CATSPERE: variants seen among roughly 807,000 people sequenced by gnomAD.
The protein encoded by CATSPERE is cation channel sperm-associated auxiliary subunit epsilon.
A neutral mutation model predicts 114.1 loss-of-function variants in CATSPERE; 93 were observed. That is an observed-to-expected ratio of 0.81 (90% CI 0.69 to 0.97). The LOEUF (loss-of-function observed/expected upper bound fraction) is 0.97, where lower values mean the gene tolerates loss of function less well. Among genes scored for constraint, CATSPERE ranks in the 50% least tolerant of loss-of-function variants. CATSPERE has a pLI of 0.00. For synonymous variants in CATSPERE, 341 were observed against 384.1 expected (o/e 0.89, Z 1.31); for missense variants, 1,058 against 1,131.6 (o/e 0.93, Z 0.93).
intron 8 of CATSPERE, among the ~76,000 whole-genome samples, chr1:244,521,950 C>T (rs1677645431): frequency 6.6e-6 from 1 of 151,988 alleles, no homozygotes; most frequent in African/African-American, 2.4e-5. Context: ...AACAAGGATA[C>T]CCAGGAATTG....
At chr1:244,611,708 G>A (rs920999390) in intron 19 of CATSPERE, among the ~76,000 whole-genome samples, 1 of 152,066 alleles carries the variant, frequency 6.6e-6, no homozygotes, top group Non-Finnish European at 1.5e-5. Flanking sequence ...GACATCCAAG[G>A]GTCTGGAGTT....
chr1:244,624,563 G>A (rs1672846784), intron 20 of CATSPERE, among the ~76,000 whole-genome samples: 1 of 152,122 alleles, frequency 6.6e-6, no homozygotes, highest in Non-Finnish European at 1.5e-5. Flanking sequence ...CACTTTGGGA[G>A]TCACAGGCGG....
At chr1:244,569,912 ATAATT>A (rs1302210161) in intron 10 of CATSPERE, among the ~76,000 whole-genome samples, 1 of 152,168 alleles carries the variant, frequency 6.6e-6, no homozygotes, top group Non-Finnish European at 1.5e-5. Flanking sequence ...AACACACTAA[ATAATT>A]TATTTTCATG....
intron 8 of CATSPERE, among the ~76,000 whole-genome samples, chr1:244,542,615 T>C (rs1313670981): frequency 1.3e-5 from 2 of 152,204 alleles, no homozygotes; most frequent in Non-Finnish European, 2.9e-5. Flanking sequence ...TTATTTCACT[T>C]AAGATAATGG....
At chr1:244,468,693 T>A (rs1448527371) in intron 2 of CATSPERE, among the ~76,000 whole-genome samples, 1 of 152,128 alleles carries the variant, frequency 6.6e-6, no homozygotes, top group Non-Finnish European at 1.5e-5. Context: ...CCAAGGCAGG[T>A]GGATCTCTTG....
chr1:244,484,460 A>G (rs564101522), intron 5 of CATSPERE, among the ~76,000 whole-genome samples: 71 of 152,348 alleles, frequency 4.7e-4, no homozygotes, highest in African/African-American at 1.7e-3. Context: ...ACTGGTGGGA[A>G]TGCAAAGTGA....
chr1:244,528,018 G>A (rs943558334), intron 8 of CATSPERE, among the ~76,000 whole-genome samples: 7 of 152,170 alleles, frequency 4.6e-5, no homozygotes, highest in Non-Finnish European at 7.4e-5. Flanking sequence ...TAGGTAACAT[G>A]TGCCATGGTG....
chr1:244,538,253 G>A lies in CATSPERE; in HGVS notation c.537-14069G>A, dbSNP rs370350671. Among the ~76,000 whole-genome samples, 18 of 152,192 alleles carry A rather than the reference G, an allele frequency of 1.2e-4. 1 individual carries two copies. The South Asian group carries it at 3.5e-3, about 30-fold the overall frequency. ...AATTAAAACATGGCAGATTAAGTACGTTTATTTATCTCTATTCTCTCCCAG... is the reference window on the plus strand; with the variant it reads ...AATTAAAACATGGCAGATTAAGTACATTTATTTATCTCTATTCTCTCCCAG... On this transcript the variant is annotated intron_variant, in intron 8 of 21. Transcript: ENST00000366534.
intron 9 of CATSPERE, among the ~76,000 whole-genome samples, chr1:244,559,026 A>G (rs1009530782): frequency 2.0e-5 from 3 of 152,216 alleles, no homozygotes; most frequent in Admixed American, 6.5e-5. Context: ...TGAATGCTTC[A>G]AAAGGATCTC....
chr1:244,606,224 C>T (rs1669983751), intron 18 of CATSPERE, among the ~76,000 whole-genome samples: 1 of 152,200 alleles, frequency 6.6e-6, no homozygotes, highest in African/African-American at 2.4e-5. Flanking sequence ...CTCCCGGCTT[C>T]CTTCCACCCG....
chr1:244,495,083 G>A (rs183920866), intron 6 of CATSPERE, among the ~76,000 whole-genome samples: 8 of 152,200 alleles, frequency 5.3e-5, no homozygotes, highest in Admixed American at 4.6e-4. Context: ...GAAAATATAT[G>A]TGTGTACACT....
intron 17 of CATSPERE, among the ~76,000 whole-genome samples, chr1:244,597,982 C>A (rs536032254): frequency 6.2e-4 from 95 of 152,270 alleles, no homozygotes; most frequent in African/African-American, 2.2e-3. Flanking sequence ...TACCTTCAGC[C>A]CTTACCTTTC....
At chr1:244,626,417 G>A (rs1673196505) in intron 20 of CATSPERE, among the ~76,000 whole-genome samples, 1 of 149,586 alleles carries the variant, frequency 6.7e-6, no homozygotes, top group African/African-American at 2.5e-5. Context: ...CCCAGGAGGT[G>A]GAGGTTGCAG....
intron 10 of CATSPERE, among the ~76,000 whole-genome samples, chr1:244,569,039 C>T (rs752915288): frequency 6.6e-6 from 1 of 152,140 alleles, no homozygotes; most frequent in Non-Finnish European, 1.5e-5. Flanking sequence ...TGGCAAAGAC[C>T]GTGGGTTCCT....
At chr1:244,532,447 G>C (rs1164468283) in intron 8 of CATSPERE, among the ~76,000 whole-genome samples, 1 of 151,970 alleles carries the variant, frequency 6.6e-6, no homozygotes, top group Non-Finnish European at 1.5e-5. Context: ...GGCACTTATA[G>C]CTATAAACTT....
chr1:244,560,694 A>G lies in CATSPERE; in HGVS notation c.1056A>G (p.Ala352=). The change falls in exon 10 of 22, where the codon GCA becomes GCG. Residue 352 remains alanine, a synonymous_variant. Transcript: ENST00000366534. ...LKAKGRRSTF[A]VWTENEIYLG... ...CTAAAGGAAGAAGAAGCACCTTTGCAGTCTGGACAGAAAATGAAATTTACC... is the reference window on the plus strand; with the variant it reads ...CTAAAGGAAGAAGAAGCACCTTTGCGGTCTGGACAGAAAATGAAATTTACC... The G allele has an allele frequency of 6.2e-7, 1 of 1,611,434 alleles. No homozygotes were observed.
At chr1:244,639,305 C>T (rs76888573) in intron 21 of CATSPERE, among the ~76,000 whole-genome samples, 2,516 of 152,338 alleles carry the variant, frequency 0.017, 81 homozygotes, top group African/African-American at 0.058. Context: ...TACTCCCACT[C>T]ATACTCATAC....
rs1402824109 is a variant in CATSPERE at position 244,633,235 on chromosome 1, A to G, written c.2649-2254A>G. 6.6e-6 allele frequency among the ~76,000 whole-genome samples: 1 copy of G among 152,246 alleles called. No homozygotes were observed. Among genetic ancestry groups the G allele is most frequent in the Non-Finnish European group, 1.5e-5 (1 of 68,040 alleles). On this transcript the variant is annotated intron_variant, in intron 20 of 21. Transcript: ENST00000366534. This position sits in a 1 kb window ranked among gnomAD's most constrained non-coding sequence, Gnocchi z 4.1. ...AAGTAGAGAGAAAATCAGTAAGGAT[A>G]CAGAATACCTAACTGTGCTATCAAC...
rs533550138 is a variant in CATSPERE at position 244,600,955 on chromosome 1, C to T, written c.2304-4740C>T. Among the ~76,000 whole-genome samples, 3 of 152,112 alleles carry T rather than the reference C, an allele frequency of 2.0e-5. 1 individual carries two copies. In the South Asian group the frequency reaches 6.2e-4, roughly 32 times the overall value. ...GATAAAATAAGTTGAAAAATGAGCA[C>T]ACAAAGCAAATGCTTAAAAATAACA... On this transcript the variant is annotated intron_variant, in intron 17 of 21. Coordinates refer to ENST00000366534, the MANE Select transcript of CATSPERE (RefSeq NM_001130957.2).
Sources: allele counts gnomAD v4.1 joint callset (sites outside exome capture counted in the v4.1 genomes callset), GRCh38; gene constraint gnomAD v4.1.1; non-coding constraint Gnocchi (gnomAD v3.1); transcripts MANE v1.5; gene names NCBI Gene and HGNC (gene_info 2026-07-23, HGNC 2026-07-21).